KLF12: variants seen among roughly 807,000 people sequenced by gnomAD.
KLF12 encodes KLF transcription factor 12.
Under a neutral mutation model 37.8 loss-of-function variants are expected in KLF12, and 9 were observed. That is an observed-to-expected ratio of 0.24 (90% confidence interval 0.14 to 0.42). KLF12 has a LOEUF of 0.42. Ranked by LOEUF, KLF12 falls within the 10% of genes least tolerant of loss-of-function variation. The probability of loss-of-function intolerance (pLI) is 1.00; values close to 1 mark genes in which losing one functional copy is unlikely to be tolerated. For missense variants in KLF12, 411 were observed against 516.0 expected (o/e 0.80, Z 1.97); for synonymous variants, 208 against 202.1 (o/e 1.03, Z -0.25).
chr13:73,912,139 G>C (rs1888599519), intron 3 of KLF12, among the ~76,000 whole-genome samples: 1 of 152,044 alleles, frequency 6.6e-6, no homozygotes, highest in South Asian at 2.1e-4. Context: ...TAAATATTTA[G>C]TGTTCTTTTT....
chr13:74,275,802 CTTT>C, the KLF12 span, among the ~76,000 whole-genome samples: 2,046 of 102,596 alleles, frequency 0.02, 23 homozygotes, highest in Middle Eastern at 0.035. Flanking sequence ...TTCTTTCTTT[CTTT>C]CCTTCTTTCT....
chr13:74,115,813 A>C (rs1403468167), intron 1 of KLF12, among the ~76,000 whole-genome samples: 1 of 151,734 alleles, frequency 6.6e-6, no homozygotes, highest in Non-Finnish European at 1.5e-5. Context: ...CTGCCTCTGT[A>C]TTCTTATTGC....
intron 1 of KLF12, among the ~76,000 whole-genome samples, chr13:74,114,000 G>A (rs1389165231): frequency 6.6e-6 from 1 of 152,198 alleles, no homozygotes; most frequent in African/African-American, 2.4e-5. Flanking sequence ...AGTAACTGAA[G>A]ATGTGGTAGA....
At chr13:73,979,746 T>C (rs1474585103) in intron 2 of KLF12, among the ~76,000 whole-genome samples, 1 of 152,214 alleles carries the variant, frequency 6.6e-6, no homozygotes, top group Non-Finnish European at 1.5e-5. Flanking sequence ...ATTTTTGTTA[T>C]GGGCTGAATT....
chr13:73,846,436 G>T, intron 3 of KLF12, 63 bp from the exon 4 acceptor site: 1 of 1,384,086 alleles, frequency 7.2e-7, no homozygotes, highest in East Asian at 2.3e-5. Context: ...TCGATGCATG[G>T]CTTACCACTT....
the KLF12 span, among the ~76,000 whole-genome samples, chr13:74,165,009 T>A: frequency 6.6e-6 from 1 of 152,064 alleles, no homozygotes; most frequent in African/African-American, 2.4e-5. Flanking sequence ...GTGACTACAG[T>A]CAACAATAAT....
At chr13:73,905,153 G>A (rs9600183) in intron 3 of KLF12, among the ~76,000 whole-genome samples, 81,508 of 151,920 alleles carry the variant, frequency 0.54, 22,641 homozygotes, top group African/African-American at 0.67. Context: ...AATTAAATAT[G>A]ATTTTAGAGG....
chr13:74,156,348 T>G, the KLF12 span, among the ~76,000 whole-genome samples: 22 of 152,338 alleles, frequency 1.4e-4, no homozygotes, highest in African/African-American at 5.3e-4. Flanking sequence ...TGAAGGAACC[T>G]GCTCTGTGAT....
chr13:74,265,398 G>A, the KLF12 span, among the ~76,000 whole-genome samples: 767 of 152,270 alleles, frequency 5.0e-3, 5 homozygotes, highest in African/African-American at 0.017. Flanking sequence ...CAATCACAAA[G>A]TTCCTAATAA....
At position 73,869,982 on chromosome 13, in the gene KLF12, T is replaced by C. The variant is rs144144870; in HGVS notation, c.124-23609A>G. Among the ~76,000 whole-genome samples the C allele has an allele frequency of 6.6e-5, 10 of 152,354 alleles. No homozygotes were observed. In the East Asian group the frequency reaches 1.5e-3, roughly 24 times the overall value. ...TTTCATGTCTAGCTTGTTTATACGATGTACGATTACCCAGTTAGAACATTC... is the reference window on the plus strand; with the variant it reads ...TTTCATGTCTAGCTTGTTTATACGACGTACGATTACCCAGTTAGAACATTC... On this transcript the variant is annotated intron_variant, in intron 3 of 7. Transcript: ENST00000377669.
At chr13:74,217,111 T>C in the KLF12 span, among the ~76,000 whole-genome samples, 2 of 152,204 alleles carry the variant, frequency 1.3e-5, no homozygotes, top group African/African-American at 4.8e-5. Context: ...CATAAATTTC[T>C]GGGACCTTAT....
At chr13:74,288,807 G>A in the KLF12 span, among the ~76,000 whole-genome samples, 7 of 152,170 alleles carry the variant, frequency 4.6e-5, no homozygotes, top group African/African-American at 1.7e-4. Context: ...GGCAGGGCCG[G>A]TCATGCAGCA....
chr13:74,263,133 AAAGT>A, the KLF12 span, among the ~76,000 whole-genome samples: 13 of 152,336 alleles, frequency 8.5e-5, 1 homozygote, highest in African/African-American at 1.9e-4. Flanking sequence ...GAAAGTATTT[AAAGT>A]AAGTAAGTTC....
the KLF12 span, among the ~76,000 whole-genome samples, chr13:74,184,822 TTTTA>T: frequency 1.3e-5 from 2 of 152,194 alleles, no homozygotes; most frequent in African/African-American, 4.8e-5. Context: ...TTTTTATTGA[TTTTA>T]TTTAAAAAAT....
At chr13:74,285,796 T>G in the KLF12 span, among the ~76,000 whole-genome samples, 1 of 152,194 alleles carries the variant, frequency 6.6e-6, no homozygotes, top group African/African-American at 2.4e-5. Context: ...TTATTGAGAT[T>G]GCAAGGTAAA....
the KLF12 span, among the ~76,000 whole-genome samples, chr13:74,265,964 C>A: frequency 6.6e-6 from 1 of 152,144 alleles, no homozygotes; most frequent in African/African-American, 2.4e-5. Flanking sequence ...TTCAACTCTC[C>A]AATTAGTTTG....
At chr13:73,705,261 T>C (rs1874850990) in intron 7 of KLF12, among the ~76,000 whole-genome samples, 1 of 152,188 alleles carries the variant, frequency 6.6e-6, no homozygotes, top group Non-Finnish European at 1.5e-5. Flanking sequence ...ATAAGCATTA[T>C]GAATCAACAT....
At chr13:74,275,734 G>A in the KLF12 span, among the ~76,000 whole-genome samples, 247 of 147,966 alleles carry the variant, frequency 1.7e-3, no homozygotes, top group African/African-American at 5.6e-3. Flanking sequence ...GTCTCACTCC[G>A]TTGCCTGCAA....
At chr13:73,895,585 A>G (rs1316421038) in intron 3 of KLF12, among the ~76,000 whole-genome samples, 2 of 152,202 alleles carry the variant, frequency 1.3e-5, no homozygotes, top group Admixed American at 1.3e-4. Flanking sequence ...GACAAGGGTT[A>G]CAGGGTGAAT....
Sources: gnomAD v4.1 joint callset for allele counts (sites outside exome capture counted in the v4.1 genomes callset) on GRCh38, gnomAD v4.1.1 for gene constraint, MANE v1.5 for transcripts, NCBI Gene and HGNC (gene_info 2026-07-23, HGNC 2026-07-21) for gene names.